Variants in PCDHA12 observed in about 807,000 individuals in gnomAD.
PCDHA12 encodes protocadherin alpha-12.
Under a neutral mutation model 60.0 loss-of-function variants are expected in PCDHA12, and 44 were observed. The ratio of observed to expected loss-of-function variants is 0.73; its 90% CI spans 0.58 to 0.94. The LOEUF is 0.94. Among genes scored for constraint, PCDHA12 ranks in the 40% least tolerant of loss-of-function variants. The pLI is 0.00. For missense variants in PCDHA12, 1,276 were observed against 1,239.7 expected (o/e 1.03, Z -0.44); for synonymous variants, 569 against 553.0 (o/e 1.03, Z -0.40).
chr5:140,936,744 T>A (rs1204618787), intron 1 of PCDHA12, among the ~76,000 whole-genome samples: 5 of 152,216 alleles, frequency 3.3e-5, no homozygotes, highest in Non-Finnish European at 5.9e-5. Context: ...AACTTTTCAT[T>A]TGTATTGATA....
chr5:140,895,763 T>C (rs1291731285), intron 1 of PCDHA12, among the ~76,000 whole-genome samples: 2 of 152,170 alleles, frequency 1.3e-5, no homozygotes, highest in East Asian at 1.9e-4. Context: ...TTTTCTTTCT[T>C]TATGGCTGCA....
chr5:140,957,014 G>A (rs2095325954), intron 1 of PCDHA12, among the ~76,000 whole-genome samples: 1 of 152,124 alleles, frequency 6.6e-6, no homozygotes, highest in South Asian at 2.1e-4. Flanking sequence ...ATTTCTCAGT[G>A]AGCATTTAGA....
At position 140,875,367 on chromosome 5, in the gene PCDHA12, T is replaced by G; in HGVS notation, c.-106T>G. 6.9e-7 allele frequency: 1 copy of G among 1,449,166 alleles called. No individual in the cohort carries two copies. The highest frequency in any genetic ancestry group is 9.1e-7 in the Non-Finnish European group (1 of 1,101,550). 89.8% of individuals were successfully genotyped at this position (1,449,166 alleles called of 1,614,324 possible). A position where few individuals can be genotyped will look rare whatever the true frequency, so the allele number is the denominator to read the frequency against. Reference sequence around the variant, plus strand: ...ATAATGACTGTGATGCTGGAAAAAATTTACTAAATATGTACTTACAGAAAA... The same window carrying G: ...ATAATGACTGTGATGCTGGAAAAAAGTTACTAAATATGTACTTACAGAAAA... On this transcript the variant is annotated 5_prime_UTR_variant, in exon 1 of 4. Transcript: ENST00000398631.
intron 1 of PCDHA12, chr5:140,969,204 C>T (rs1453693936): frequency 3.2e-5 from 51 of 1,613,996 alleles, no homozygotes; most frequent in African/African-American, 1.5e-4. Context: ...AATACAGGGG[C>T]CCAGACAGGA....
chr5:140,928,846 C>T, intron 1 of PCDHA12: 1 of 1,614,192 alleles, frequency 6.2e-7, no homozygotes, highest in Non-Finnish European at 8.5e-7. Context: ...CTCTGTCACT[C>T]TGGGTGTGCT....
intron 3 of PCDHA12, among the ~76,000 whole-genome samples, chr5:140,986,642 T>C (rs1213431039): frequency 6.6e-6 from 1 of 152,174 alleles, no homozygotes; most frequent in Non-Finnish European, 1.5e-5. Flanking sequence ...ACATTAGTTT[T>C]AGAGTGGGAG....
rs2096251050 is a variant in PCDHA12, at chr5:140,968,498, C to T, written c.2368-10451C>T. 3 of 1,614,190 alleles carry T rather than the reference C, an allele frequency of 1.9e-6. No individual in the cohort carries two copies. The highest frequency in any genetic ancestry group is 2.5e-6 in the Non-Finnish European group (3 of 1,180,042). The stretch of plus-strand genomic sequence containing the variant: ...GGTGGACATGAATGACCATGCCCCT[C>T]ACATTCTGTACCCTACCTCAACCAA... On this transcript the variant is annotated intron_variant, in intron 1 of 3. Coordinates refer to ENST00000398631, the MANE Select transcript of PCDHA12 (RefSeq NM_018903.4).
chr5:140,894,569 C>CT (rs556288790), intron 1 of PCDHA12, among the ~76,000 whole-genome samples: 36 of 151,446 alleles, frequency 2.4e-4, no homozygotes, highest in African/African-American at 7.5e-4. Context: ...AATTATTTTC[C>CT]TTTTTTTTAA....
intron 1 of PCDHA12, among the ~76,000 whole-genome samples, chr5:140,934,475 A>G (rs1554209923): frequency 6.6e-6 from 1 of 152,172 alleles, no homozygotes; most frequent in African/African-American, 2.4e-5. Context: ...ATTATTTTGA[A>G]AATTATATTC....
chr5:140,884,253 C>G (rs1356283866), intron 1 of PCDHA12: 2 of 1,613,302 alleles, frequency 1.2e-6, no homozygotes, highest in Non-Finnish European at 1.7e-6. Flanking sequence ...CTGACGGCCA[C>G]GGCAACGGTG....
intron 1 of PCDHA12, among the ~76,000 whole-genome samples, chr5:140,932,192 TTC>T (rs2088100364): frequency 6.6e-6 from 1 of 151,968 alleles, no homozygotes. Context: ...GTCCATTTTT[TTC>T]TGTTAATATT....
At chr5:140,883,528 C>T in intron 1 of PCDHA12, 1 of 1,614,248 alleles carries the variant, frequency 6.2e-7, no homozygotes, top group South Asian at 1.1e-5. Flanking sequence ...GCGTATCAGC[C>T]TATGAACTGG....
intron 1 of PCDHA12, among the ~76,000 whole-genome samples, chr5:140,891,310 G>A (rs1361380938): frequency 6.6e-6 from 1 of 152,030 alleles, no homozygotes; most frequent in Non-Finnish European, 1.5e-5. Flanking sequence ...GATTACATGA[G>A]TAAGTTCTTT....
chr5:140,904,555 CT>C (rs569725486), intron 1 of PCDHA12, among the ~76,000 whole-genome samples: 14 of 151,628 alleles, frequency 9.2e-5, no homozygotes, highest in Non-Finnish European at 1.8e-4. Context: ...CATATAATGA[CT>C]TTTTTTTCCT....
intron 1 of PCDHA12, among the ~76,000 whole-genome samples, chr5:140,903,417 T>C (rs1583492047): frequency 6.6e-6 from 1 of 152,200 alleles, no homozygotes; most frequent in Non-Finnish European, 1.5e-5. Flanking sequence ...CAGGAAAAAT[T>C]CAGCACAATA....
At position 140,947,028 on chromosome 5, in the gene PCDHA12, T is replaced by C. The variant is rs111523441; in HGVS notation, c.2368-31921T>C. Among the ~76,000 whole-genome samples the C allele has an allele frequency of 4.6e-3, 693 of 151,852 alleles. 1 individual carries two copies. Among genetic ancestry groups the C allele is most frequent in the Middle Eastern group, 6.8e-3 (2 of 294 alleles). ...AATGATAAATGTTTGAGGTAATGGA[T>C]ATACTAATTACCCTGATTTGATCAT... On this transcript the variant is annotated intron_variant, in intron 1 of 3. Transcript: ENST00000398631.
At chr5:140,941,957 A>G (rs1254816482) in intron 1 of PCDHA12, among the ~76,000 whole-genome samples, 1 of 152,234 alleles carries the variant, frequency 6.6e-6, no homozygotes, top group Non-Finnish European at 1.5e-5. Flanking sequence ...TGAAAACAAT[A>G]GTATCTTTAC....
At chr5:140,882,588 A>T in intron 1 of PCDHA12, 7 of 1,614,186 alleles carry the variant, frequency 4.3e-6, no homozygotes, top group Non-Finnish European at 5.1e-6. Context: ...ATCCACCTGG[A>T]GGTGATCGTG....
intron 1 of PCDHA12, among the ~76,000 whole-genome samples, chr5:140,885,350 G>C (rs1050079674): frequency 6.6e-6 from 1 of 152,108 alleles, no homozygotes; most frequent in African/African-American, 2.4e-5. Context: ...ATTTCCAAAA[G>C]GTACTGGTGA....
Sources: gnomAD v4.1 joint callset for allele counts (sites outside exome capture counted in the v4.1 genomes callset) on GRCh38, gnomAD v4.1.1 for gene constraint, MANE v1.5 for transcripts, NCBI Gene and HGNC (gene_info 2026-07-23, HGNC 2026-07-21) for gene names.